Variants in DMGDH observed in about 807,000 individuals in gnomAD.
DMGDH encodes dimethylglycine dehydrogenase, mitochondrial.
DMGDH carries 76 observed loss-of-function variants against 95.2 expected under a neutral mutation model. The ratio of observed to expected loss-of-function variants is 0.80; its 90% CI spans 0.66 to 0.97. The LOEUF (loss-of-function observed/expected upper bound fraction) is 0.97, where lower values mean the gene tolerates loss of function less well. Ranked by LOEUF, DMGDH falls within the 50% of genes least tolerant of loss-of-function variation. The pLI is 0.00. For synonymous variants in DMGDH, 345 were observed against 377.6 expected (o/e 0.91, Z 1.00); for missense variants, 987 against 1,055.0 (o/e 0.94, Z 0.89).
intron 14 of DMGDH, among the ~76,000 whole-genome samples, chr5:79,008,371 A>G (rs1447837008): frequency 3.3e-5 from 5 of 152,198 alleles, no homozygotes; most frequent in African/African-American, 9.7e-5. Flanking sequence ...GATCTACACA[A>G]AAACACCCCA....
At chr5:79,010,679 CTT>C (rs1410770802) in intron 14 of DMGDH, among the ~76,000 whole-genome samples, 1 of 152,152 alleles carries the variant, frequency 6.6e-6, no homozygotes, top group African/African-American at 2.4e-5. Flanking sequence ...ACATGTTATT[CTT>C]TGTTTTAAAT....
intron 7 of DMGDH, among the ~76,000 whole-genome samples, chr5:79,036,061 T>C (rs530519825): frequency 2.0e-5 from 3 of 152,368 alleles, no homozygotes; most frequent in Admixed American, 6.5e-5. Context: ...CTGGGTGACC[T>C]TGGGCAAGTT....
At chr5:79,049,850 G>C (rs1001653476) in intron 5 of DMGDH, among the ~76,000 whole-genome samples, 1 of 152,120 alleles carries the variant, frequency 6.6e-6, no homozygotes, top group African/African-American at 2.4e-5. Flanking sequence ...GAGATTTTAT[G>C]GCTTTTCAAA....
Position 79,044,306 on chromosome 5 carries a change from G to A in DMGDH, c.992C>T (p.Pro331Leu). Residue 331 changes from proline to leucine, a missense_variant and splice_region_variant, in exon 6 of 16, where the codon CCA becomes CTA. Physicochemically the swap from Pro to Leu is moderately conservative, Grantham distance 98. Transcript: ENST00000255189. ...QDSWVTNGVPPGFGKELFESD... is the reference protein window; with the variant it reads ...QDSWVTNGVPLGFGKELFESD... ...ACACTTTCATTTGCTGAACCCACCT[G>A]GAGGAACTCCATTGGTGACCCAGGA... The A allele has an allele frequency of 3.1e-6, 5 of 1,614,154 alleles. No homozygotes were observed. The highest frequency in any genetic ancestry group is 4.2e-6 in the Non-Finnish European group (5 of 1,180,032).
intron 2 of DMGDH, 143 bp from the exon 3 acceptor site, chr5:79,056,051 C>T: frequency 1.5e-6 from 1 of 652,230 alleles, no homozygotes; most frequent in Non-Finnish European, 2.8e-6. Context: ...CACATCAGCA[C>T]CAGTTTGAGC....
At chr5:79,052,231 T>C (rs899391598) in intron 4 of DMGDH, among the ~76,000 whole-genome samples, 1 of 152,238 alleles carries the variant, frequency 6.6e-6, no homozygotes, top group African/African-American at 2.4e-5. Flanking sequence ...GTTGAGGATT[T>C]TTGTATCTAT....
intron 4 of DMGDH, among the ~76,000 whole-genome samples, chr5:79,052,135 C>G (rs571280100): frequency 6.6e-6 from 1 of 152,250 alleles, no homozygotes; most frequent in East Asian, 1.9e-4. Context: ...GATGTTAAAC[C>G]AACCCTGCAT....
chr5:79,065,742 G>A (rs1174842001), intron 1 of DMGDH, among the ~76,000 whole-genome samples: 1 of 152,122 alleles, frequency 6.6e-6, no homozygotes, highest in Non-Finnish European at 1.5e-5. Context: ...TATGTGACCG[G>A]CAGCACAGTA....
chr5:79,042,564 T>A, intron 6 of DMGDH, 83 bp from the exon 7 acceptor site: 2 of 1,363,074 alleles, frequency 1.5e-6, no homozygotes, highest in Non-Finnish European at 2.1e-6. Context: ...TGACATGGCC[T>A]ACATTTAAAG....
chr5:79,045,301 T>A (rs1754639456), intron 5 of DMGDH, among the ~76,000 whole-genome samples: 1 of 152,168 alleles, frequency 6.6e-6, no homozygotes, highest in African/African-American at 2.4e-5. Context: ...CCCAGACGAA[T>A]GTTTCCCACT....
At chr5:79,063,871 T>C in intron 1 of DMGDH, 84 bp from the exon 2 acceptor site, 1 of 1,342,478 alleles carries the variant, frequency 7.4e-7, no homozygotes, top group Non-Finnish European at 1.1e-6. Flanking sequence ...CTTACCCGTT[T>C]CTCTAGTACT....
At chr5:79,002,271 T>A (rs1362174510) in intron 15 of DMGDH, among the ~76,000 whole-genome samples, 1 of 152,170 alleles carries the variant, frequency 6.6e-6, no homozygotes, top group African/African-American at 2.4e-5. Context: ...TCTCCAAACC[T>A]CTCCACAAAC....
At chr5:79,043,018 C>T (rs1646207091) in intron 6 of DMGDH, among the ~76,000 whole-genome samples, 1 of 152,184 alleles carries the variant, frequency 6.6e-6, no homozygotes, top group Non-Finnish European at 1.5e-5. Context: ...CATACACATC[C>T]AAGGGCTAGA....
chr5:79,062,140 G>A (rs576374141), intron 2 of DMGDH, among the ~76,000 whole-genome samples: 1 of 151,974 alleles, frequency 6.6e-6, no homozygotes, highest in South Asian at 2.1e-4. Flanking sequence ...ACTGCTCCCT[G>A]GTCTCTGTTG....
intron 14 of DMGDH, among the ~76,000 whole-genome samples, chr5:79,009,303 C>T (rs1753601325): frequency 6.6e-6 from 1 of 151,176 alleles, no homozygotes; most frequent in Non-Finnish European, 1.5e-5. Flanking sequence ...AAAACAACAG[C>T]AAAAATCTTA....
At chr5:79,019,936 G>A (rs1207037435) in intron 14 of DMGDH, among the ~76,000 whole-genome samples, 2 of 152,092 alleles carry the variant, frequency 1.3e-5, no homozygotes, top group Admixed American at 1.3e-4. Flanking sequence ...AGATAGTTGG[G>A]CTCCACCCTG....
Position 79,051,282 on chromosome 5 carries a change from CT to C in DMGDH, c.745+4del. 6.2e-7 allele frequency: 1 copy of C among 1,614,048 alleles called. No individual in the cohort carries two copies. Among genetic ancestry groups the C allele is most frequent in the South Asian group, 1.1e-5 (1 of 91,072 alleles). ...ACACTAATTTCAAAAAAATGATATG[CT>C]TACCTGCAGCATTCACAATTCTATT... On this transcript the variant is annotated splice_donor_region_variant and intron_variant, in intron 5 of 15. Transcript: ENST00000255189.
chr5:79,007,867 G>A (rs1214640441), intron 14 of DMGDH, among the ~76,000 whole-genome samples: 3 of 152,124 alleles, frequency 2.0e-5, no homozygotes, highest in Non-Finnish European at 4.4e-5. Flanking sequence ...GTTAGGCAGC[G>A]GGTATTCAGA....
chr5:79,000,530 C>A, intron 15 of DMGDH: 1 of 590,348 alleles, frequency 1.7e-6, no homozygotes, highest in Non-Finnish European at 3.3e-6. Flanking sequence ...AGAGATAATT[C>A]TATTTCTCTT....
Sources: gnomAD v4.1 joint callset for allele counts (sites outside exome capture counted in the v4.1 genomes callset) on GRCh38, gnomAD v4.1.1 for gene constraint, MANE v1.5 for transcripts, NCBI Gene and HGNC (gene_info 2026-07-23, HGNC 2026-07-21) for gene names.